Variants in MMP16 observed in about 807,000 individuals in gnomAD.
MMP16 encodes matrix metallopeptidase 16.
In MMP16, 12 loss-of-function variants were observed where a neutral mutation model predicts 67.8. The ratio of observed to expected loss-of-function variants is 0.18; its 90% CI spans 0.11 to 0.29. The LOEUF (loss-of-function observed/expected upper bound fraction) is 0.29, where lower values mean the gene tolerates loss of function less well. Ranked by LOEUF, MMP16 falls within the 10% of genes least tolerant of loss-of-function variation. MMP16 has a pLI of 1.00. For synonymous variants in MMP16, 249 were observed against 255.9 expected, an observed-to-expected ratio of 0.97 and a Z score of 0.26; for missense variants, 475 against 765.7, an observed-to-expected ratio of 0.62 and a Z score of 4.48.
intron 7 of MMP16, among the ~76,000 whole-genome samples, chr8:88,071,179 ATTC>A (rs1486606326): frequency 5.3e-5 from 8 of 152,144 alleles, no homozygotes; most frequent in South Asian, 4.1e-4. Flanking sequence ...ATGGCTTCTC[ATTC>A]TTCTTAAGAT....
chr8:88,305,107 C>T (rs1811193330), intron 1 of MMP16, among the ~76,000 whole-genome samples: 1 of 151,914 alleles, frequency 6.6e-6, no homozygotes, highest in Admixed American at 6.6e-5. Context: ...GAAAATTTAC[C>T]AAACAAATGG....
chr8:88,183,976 G>C (rs1809026630), intron 3 of MMP16, among the ~76,000 whole-genome samples: 1 of 151,896 alleles, frequency 6.6e-6, no homozygotes, highest in Non-Finnish European at 1.5e-5. Context: ...AAACTCCGGA[G>C]CTCAAGTGAT....
At chr8:88,117,243 T>G (rs1809451713) in intron 5 of MMP16, among the ~76,000 whole-genome samples, 1 of 152,188 alleles carries the variant, frequency 6.6e-6, no homozygotes, top group African/African-American at 2.4e-5. Context: ...TCTAATGAAA[T>G]ATTTTGACAA....
At chr8:88,270,057 A>G (rs1810540968) in intron 1 of MMP16, among the ~76,000 whole-genome samples, 1 of 152,208 alleles carries the variant, frequency 6.6e-6, no homozygotes, top group South Asian at 2.1e-4. Flanking sequence ...TTCATATTCA[A>G]GCACTTCAAC....
At chr8:88,161,470 T>C (rs1808622129) in intron 4 of MMP16, among the ~76,000 whole-genome samples, 1 of 152,164 alleles carries the variant, frequency 6.6e-6, no homozygotes. Context: ...GCTAGCAGTC[T>C]ATCAATTTTG....
chr8:88,272,277 T>A (rs981664296), intron 1 of MMP16, among the ~76,000 whole-genome samples: 1 of 152,210 alleles, frequency 6.6e-6, no homozygotes, highest in Non-Finnish European at 1.5e-5. Context: ...ATCATCAAGA[T>A]CATCATTATT....
chr8:88,248,731 T>C (rs1236285482), intron 1 of MMP16, among the ~76,000 whole-genome samples: 2 of 151,108 alleles, frequency 1.3e-5, no homozygotes, highest in Non-Finnish European at 2.9e-5. Flanking sequence ...GAAAAAGGAG[T>C]TGTCCTCTAG....
chr8:88,236,115 A>G (rs766845966), intron 1 of MMP16, among the ~76,000 whole-genome samples: 5 of 152,190 alleles, frequency 3.3e-5, no homozygotes, highest in Non-Finnish European at 7.4e-5. Context: ...TAAAGTGGAA[A>G]TTTGTGCAGG....
chr8:88,199,599 G>A lies in MMP16; in HGVS notation c.133-2293C>T, dbSNP rs530213700. ...CATCTATTAAGTAATATTTGGAAAT[G>A]TATCTTTCCCCTTACCCTAGTATTC... On this transcript the variant is annotated intron_variant, in intron 1 of 9. Transcript: ENST00000286614. Among the ~76,000 whole-genome samples, 605 of 152,008 alleles carry A rather than the reference G, an allele frequency of 4.0e-3. 6 individuals carry two copies. The highest frequency in any genetic ancestry group is 6.9e-3 in the Non-Finnish European group (469 of 67,858).
At chr8:88,204,890 G>A (rs973764886) in intron 1 of MMP16, among the ~76,000 whole-genome samples, 2 of 152,212 alleles carry the variant, frequency 1.3e-5, no homozygotes, top group Non-Finnish European at 2.9e-5. Context: ...TTTCCATCAT[G>A]CACTACTGAA....
At chr8:88,240,115 C>A (rs193288856) in intron 1 of MMP16, among the ~76,000 whole-genome samples, 1 of 152,234 alleles carries the variant, frequency 6.6e-6, no homozygotes, top group East Asian at 1.9e-4. Context: ...TTACGCAATG[C>A]CCATTGTACA....
intron 1 of MMP16, among the ~76,000 whole-genome samples, chr8:88,313,805 A>T (rs777033689): frequency 6.6e-6 from 1 of 152,152 alleles, no homozygotes; most frequent in Non-Finnish European, 1.5e-5. Flanking sequence ...GTGGAAGGCA[A>T]GGAGGAGCAA....
At chr8:88,138,927 T>C (rs907244441) in intron 4 of MMP16, among the ~76,000 whole-genome samples, 4 of 152,146 alleles carry the variant, frequency 2.6e-5, no homozygotes, top group African/African-American at 9.6e-5. Flanking sequence ...GGCATTTATG[T>C]TTTTCAGGTT....
intron 3 of MMP16, among the ~76,000 whole-genome samples, chr8:88,176,708 T>G (rs1020578013): frequency 6.6e-6 from 1 of 152,214 alleles, no homozygotes; most frequent in Non-Finnish European, 1.5e-5. Context: ...AAGTCTACTT[T>G]GGCATAAATC....
At chr8:88,125,524 T>C (rs990158720) in intron 4 of MMP16, among the ~76,000 whole-genome samples, 4 of 152,066 alleles carry the variant, frequency 2.6e-5, no homozygotes, top group Admixed American at 2.0e-4. Context: ...ATCAATATAA[T>C]TAAAACAACC....
intron 3 of MMP16, among the ~76,000 whole-genome samples, chr8:88,183,420 A>C (rs540701039): frequency 9.9e-5 from 15 of 152,276 alleles, no homozygotes; most frequent in African/African-American, 3.4e-4. Flanking sequence ...GGCTGACTAT[A>C]TTTGTTAATT....
chr8:88,229,745 A>T (rs7813948), intron 1 of MMP16, among the ~76,000 whole-genome samples: 1,524 of 152,226 alleles, frequency 0.01, 25 homozygotes, highest in African/African-American at 0.035. Flanking sequence ...CTGAAGTAGA[A>T]TTGGTAAATT....
At chr8:88,306,966 AG>A (rs1449380962) in intron 1 of MMP16, among the ~76,000 whole-genome samples, 6 of 152,202 alleles carry the variant, frequency 3.9e-5, no homozygotes, top group Non-Finnish European at 5.9e-5. Flanking sequence ...GTATTCAAAT[AG>A]GAAGAGAGAA....
chr8:88,298,335 T>C (rs1286538017), intron 1 of MMP16, among the ~76,000 whole-genome samples: 1 of 152,166 alleles, frequency 6.6e-6, no homozygotes, highest in Non-Finnish European at 1.5e-5. Flanking sequence ...GTAGAACATG[T>C]ACTGCTTGTA....
Sources: allele counts gnomAD v4.1 joint callset (sites outside exome capture counted in the v4.1 genomes callset), GRCh38; gene constraint gnomAD v4.1.1; transcripts MANE v1.5; gene names NCBI Gene and HGNC (gene_info 2026-07-23, HGNC 2026-07-21).